The following ZZEF1 variants were observed in gnomAD, a reference collection of about 807,000 sequenced individuals.
The protein encoded by ZZEF1 is zinc finger ZZ-type and EF-hand domain containing 1.
Under a neutral mutation model 342.8 loss-of-function variants are expected in ZZEF1, and 157 were observed. That is an observed-to-expected ratio of 0.46 (90% CI 0.40 to 0.52). The LOEUF is 0.52. Ranked by LOEUF, ZZEF1 falls within the 20% of genes least tolerant of loss-of-function variation. The probability of loss-of-function intolerance (pLI) is 0.00; values close to 1 mark genes in which losing one functional copy is unlikely to be tolerated. For missense variants in ZZEF1, 3,480 were observed against 3,725.6 expected (o/e 0.93, Z 1.72); for synonymous variants, 1,505 against 1,429.1 (o/e 1.05, Z -1.20).
chr17:4,093,719 T>C (rs2057986261), intron 11 of ZZEF1, among the ~76,000 whole-genome samples: 1 of 152,222 alleles, frequency 6.6e-6, no homozygotes, highest in Admixed American at 6.5e-5. Context: ...TGGATGGTAC[T>C]GAAAGGCTTC....
chr17:4,095,713 G>A (rs907320838), intron 11 of ZZEF1, 118 bp downstream of exon 11: 15 of 1,082,594 alleles, frequency 1.4e-5, no homozygotes, highest in African/African-American at 1.3e-4. Context: ...GATTAGTGGC[G>A]CCTTTTCTAT....
chr17:4,113,111 A>G (rs760546989), intron 4 of ZZEF1, among the ~76,000 whole-genome samples: 1 of 152,276 alleles, frequency 6.6e-6, no homozygotes, highest in African/African-American at 2.4e-5. Context: ...AGCTAATTTT[A>G]AACTGCATAC....
At chr17:4,013,096 A>G (rs1370667260) in intron 52 of ZZEF1, among the ~76,000 whole-genome samples, 3 of 152,004 alleles carry the variant, frequency 2.0e-5, no homozygotes, top group Admixed American at 1.3e-4. Flanking sequence ...CTCAAAAAAA[A>G]AAAAAAAAAA....
At chr17:4,097,476 G>GAAAA (rs1190162683) in intron 9 of ZZEF1, among the ~76,000 whole-genome samples, 1 of 113,958 alleles carries the variant, frequency 8.8e-6, no homozygotes, top group South Asian at 3.0e-4. Context: ...CTTTGAAATG[G>GAAAA]GAAAAAAAAA....
At chr17:4,122,542 G>C (rs1256553900) in intron 2 of ZZEF1, among the ~76,000 whole-genome samples, 5 of 152,064 alleles carry the variant, frequency 3.3e-5, no homozygotes, top group Non-Finnish European at 5.9e-5. Flanking sequence ...AACATGCCCA[G>C]CTAATTTTTG....
chr17:4,018,087 A>G (rs1208471333), intron 46 of ZZEF1, 116 bp from the exon 47 acceptor site: 4 of 1,354,732 alleles, frequency 3.0e-6, no homozygotes, highest in African/African-American at 1.5e-5. Context: ...TATCAATGAC[A>G]TTATCATATT....
chr17:4,054,636 T>C (rs1000325816), intron 33 of ZZEF1, among the ~76,000 whole-genome samples: 4 of 152,140 alleles, frequency 2.6e-5, no homozygotes, highest in African/African-American at 9.7e-5. Context: ...GTGCGTCGAA[T>C]ACAGTACAGA....
chr17:4,026,813 C>A (rs530451939), intron 42 of ZZEF1, among the ~76,000 whole-genome samples: 85 of 152,060 alleles, frequency 5.6e-4, no homozygotes, highest in African/African-American at 1.8e-3. Flanking sequence ...AGCCACCACA[C>A]CCAGCCTTTA....
chr17:4,103,242 G>GA lies in ZZEF1; in HGVS notation c.1574-828dup, dbSNP rs200968768. On this transcript the variant is annotated intron_variant, in intron 8 of 54. Coordinates refer to ENST00000381638, the MANE Select transcript of ZZEF1 (RefSeq NM_015113.4). ...AACTTAAAAATTTAAACAGGCAAAA[G>GA]AAAAAAAAAATTAAACAGGCTGGGC... Among the ~76,000 whole-genome samples, 173 of 149,250 alleles carry GA rather than the reference G, an allele frequency of 1.2e-3. 1 individual carries two copies. The highest frequency in any genetic ancestry group is 3.8e-3 in the African/African-American group (156 of 40,756).
intron 42 of ZZEF1, among the ~76,000 whole-genome samples, chr17:4,028,539 A>G (rs1432951746): frequency 7.0e-6 from 1 of 142,092 alleles, no homozygotes; most frequent in Non-Finnish European, 1.5e-5. Context: ...ATGGAGTAAG[A>G]CTCTGTCTCC....
intron 31 of ZZEF1, among the ~76,000 whole-genome samples, chr17:4,058,556 T>C (rs1347426066): frequency 1.3e-5 from 2 of 152,228 alleles, no homozygotes; most frequent in Non-Finnish European, 2.9e-5. Context: ...AATGGCTTTA[T>C]ACTCGTTTTC....
intron 18 of ZZEF1, 44 bp downstream of exon 18, chr17:4,081,332 C>G (rs1235503367): frequency 1.9e-6 from 3 of 1,545,396 alleles, no homozygotes; most frequent in Non-Finnish European, 2.7e-6. Flanking sequence ...CACGTGCCCC[C>G]ACAAGCATGA....
At chr17:4,021,968 T>C (rs899113866) in intron 44 of ZZEF1, among the ~76,000 whole-genome samples, 7 of 151,812 alleles carry the variant, frequency 4.6e-5, no homozygotes, top group African/African-American at 1.7e-4. Flanking sequence ...TTCTGCAATA[T>C]AGTTCTAATA....
In ZZEF1 at chr17:4,104,794, T is replaced by A. The variant is rs201563072; in HGVS notation, c.1412A>T (p.Glu471Val). Residue 471 changes from glutamate to valine, a missense_variant, in exon 8 of 55, where the codon GAG becomes GTG. Physicochemically the swap from Glu to Val is moderately radical, Grantham distance 121. Coordinates refer to ENST00000381638, the MANE Select transcript of ZZEF1 (RefSeq NM_015113.4). ...AAAAGCCAGAAGAGTCAGTTCTACC[T>A]CTGGGGTAGAACAGCAGCTATAAGC... Reference protein sequence around the residue: ...IRITSCCSTPEVELTLLAFAL... With the variant: ...IRITSCCSTPVVELTLLAFAL... 1.1e-5 allele frequency: 17 copies of A among 1,613,796 alleles called. No individual in the cohort carries two copies. Among genetic ancestry groups the A allele is most frequent in the Non-Finnish European group, 7.6e-6 (9 of 1,179,920 alleles).
At position 4,021,244 on chromosome 17, in the gene ZZEF1, T is replaced by G; in HGVS notation, c.7289A>C (p.Glu2430Ala). The change falls in exon 45 of 55, where the codon GAG (glutamate) becomes GCG (alanine). Residue 2430 changes from glutamate (E) to alanine (A), a missense_variant. Physicochemically the swap from Glu to Ala is moderately radical, Grantham distance 107. Around this residue, in one of 5 missense-constraint regions of ZZEF1, gnomAD observed 1,269 missense variants for 1,342.4 expected, o/e 0.95. Coordinates refer to ENST00000381638, the MANE Select transcript of ZZEF1 (RefSeq NM_015113.4). The part of the protein sequence containing the change: ...LAEHGDLELD[E>A]RGDREEEVER... The stretch of plus-strand genomic sequence containing the variant: ...CACCTCTTCCTCTCGGTCCCCTCGC[T>G]CATCCAGCTCTAGGTCTCCGTGCTC... 1 of 1,614,214 alleles carries G rather than the reference T, an allele frequency of 6.2e-7. No homozygotes were observed. The highest frequency in any genetic ancestry group is 8.5e-7 in the Non-Finnish European group (1 of 1,180,032).
At chr17:4,124,179 T>A in intron 1 of ZZEF1, 128 bp from the exon 2 acceptor site, 1 of 1,183,778 alleles carries the variant, frequency 8.4e-7, no homozygotes, top group Non-Finnish European at 1.1e-6. Flanking sequence ...GAAGAGTCCA[T>A]ATGTATCAAC....
At chr17:4,131,581 C>A (rs1764674511) in intron 1 of ZZEF1, among the ~76,000 whole-genome samples, 1 of 151,694 alleles carries the variant, frequency 6.6e-6, no homozygotes, top group East Asian at 1.9e-4. Context: ...GAGTTCAAGA[C>A]CAGTGTGAGC....
chr17:4,063,884 C>T (rs1414334193), intron 29 of ZZEF1, among the ~76,000 whole-genome samples: 7 of 152,088 alleles, frequency 4.6e-5, no homozygotes, highest in East Asian at 3.9e-4. Flanking sequence ...TCCACCACTA[C>T]GCCCAGCTAA....
chr17:4,132,570 C>T (rs1049950096), intron 1 of ZZEF1, among the ~76,000 whole-genome samples: 11 of 151,776 alleles, frequency 7.2e-5, no homozygotes, highest in Non-Finnish European at 2.9e-5. Flanking sequence ...TGGTGGCAGG[C>T]GCCTGTAATC....
Sources: allele counts gnomAD v4.1 joint callset (sites outside exome capture counted in the v4.1 genomes callset), GRCh38; gene constraint gnomAD v4.1.1; regional missense constraint gnomAD v4.1.1; transcripts MANE v1.5; gene names NCBI Gene and HGNC (gene_info 2026-07-23, HGNC 2026-07-21).